Variants in BTBD9 observed in about 807,000 individuals in gnomAD.
The protein encoded by BTBD9 is BTB/POZ domain-containing protein 9.
In BTBD9, 49 loss-of-function variants were observed where a neutral mutation model predicts 64.3. That is an observed-to-expected ratio of 0.76 (90% confidence interval 0.61 to 0.97). The LOEUF (loss-of-function observed/expected upper bound fraction) is 0.97. Among genes scored for constraint, BTBD9 ranks in the 50% least tolerant of loss-of-function variants. The pLI is 0.00. For missense variants in BTBD9, 598 were observed against 762.1 expected, an observed-to-expected ratio of 0.78 and a Z score of 2.53; for synonymous variants, 260 against 274.7, an observed-to-expected ratio of 0.95 and a Z score of 0.53.
intron 7 of BTBD9, among the ~76,000 whole-genome samples, chr6:38,331,167 T>G (rs1246219430): frequency 2.6e-5 from 4 of 152,186 alleles, no homozygotes; most frequent in African/African-American, 4.8e-5. Context: ...ATATCCATAA[T>G]CCACAAATTA....
chr6:38,349,811 A>T (rs755261696), intron 6 of BTBD9, among the ~76,000 whole-genome samples: 2 of 152,064 alleles, frequency 1.3e-5, no homozygotes, highest in African/African-American at 2.4e-5. Flanking sequence ...TTGTCCTTCC[A>T]CTTAGGACAC....
rs75860946 is a variant in BTBD9 at position 38,570,659 on chromosome 6, G to A, written c.1154+6941C>T. On this transcript the variant is annotated intron_variant, in intron 6 of 10. Coordinates refer to ENST00000481247, the MANE Select transcript of BTBD9 (RefSeq NM_001099272.2). ...TACTCCTCTCTTTCAAAATTCCAAA[G>A]GAAGGTTAAAAAATATATATATTTG... Among the ~76,000 whole-genome samples, 1,292 of 152,078 alleles carry A rather than the reference G, an allele frequency of 8.5e-3. 8 individuals carry two copies. The highest frequency in any genetic ancestry group is 0.028 in the African/African-American group (1,166 of 41,470).
At chr6:38,373,790 A>T (rs536440580) in intron 6 of BTBD9, among the ~76,000 whole-genome samples, 4 of 152,244 alleles carry the variant, frequency 2.6e-5, no homozygotes. Flanking sequence ...AGCCTCCCAA[A>T]GTGCCAAGAT....
intron 6 of BTBD9, among the ~76,000 whole-genome samples, chr6:38,565,135 T>G (rs1775434970): frequency 6.6e-6 from 1 of 152,192 alleles, no homozygotes; most frequent in Non-Finnish European, 1.5e-5. Flanking sequence ...TGGTTTTTCT[T>G]CTGAACTGTC....
At chr6:38,230,206 C>T (rs1411593384) in intron 9 of BTBD9, among the ~76,000 whole-genome samples, 1 of 152,082 alleles carries the variant, frequency 6.6e-6, no homozygotes, top group Non-Finnish European at 1.5e-5. Flanking sequence ...AAAAAGCAGA[C>T]ATAAGGAGCT....
At chr6:38,190,247 C>A (rs910254103) in intron 10 of BTBD9, among the ~76,000 whole-genome samples, 1 of 151,830 alleles carries the variant, frequency 6.6e-6, no homozygotes, top group African/African-American at 2.4e-5. Flanking sequence ...AGGTGGATCA[C>A]CTGAGGTCAG....
At chr6:38,329,323 C>CTT (rs201597571) in intron 7 of BTBD9, among the ~76,000 whole-genome samples, 18 of 132,710 alleles carry the variant, frequency 1.4e-4, no homozygotes, top group African/African-American at 2.5e-4. Context: ...CCTTTTTTTC[C>CTT]TTTTTTTTTT....
intron 6 of BTBD9, among the ~76,000 whole-genome samples, chr6:38,396,897 CTTTTTTT>C (rs146597621): frequency 5.6e-5 from 6 of 107,400 alleles, no homozygotes; most frequent in Admixed American, 3.2e-4. Context: ...TTTTCTTTTT[CTTTTTTT>C]TTTTTTTTTT....
At chr6:38,576,730 A>G (rs1247624827) in intron 6 of BTBD9, among the ~76,000 whole-genome samples, 5 of 152,152 alleles carry the variant, frequency 3.3e-5, no homozygotes, top group African/African-American at 7.2e-5. Flanking sequence ...CAAACAAACT[A>G]ATCACTTTCT....
At chr6:38,346,635 G>A (rs2127590675) in intron 6 of BTBD9, among the ~76,000 whole-genome samples, 1 of 152,220 alleles carries the variant, frequency 6.6e-6, no homozygotes, top group African/African-American at 2.4e-5. Flanking sequence ...GGGTGGGTAG[G>A]TTCATTCAAC....
intron 6 of BTBD9, among the ~76,000 whole-genome samples, chr6:38,494,224 T>C (rs1370951773): frequency 6.6e-6 from 1 of 152,242 alleles, no homozygotes; most frequent in Non-Finnish European, 1.5e-5. Context: ...GCTGGTAACA[T>C]TAGCTCCTTT....
At chr6:38,477,138 C>T (rs1002100909) in intron 6 of BTBD9, among the ~76,000 whole-genome samples, 2 of 152,132 alleles carry the variant, frequency 1.3e-5, no homozygotes, top group Non-Finnish European at 2.9e-5. Flanking sequence ...GGCATGAATT[C>T]CACTGAGGGA....
chr6:38,180,524 G>T (rs1761505868), intron 10 of BTBD9, among the ~76,000 whole-genome samples: 1 of 151,190 alleles, frequency 6.6e-6, no homozygotes, highest in African/African-American at 2.4e-5. Flanking sequence ...GGCACCTTTG[G>T]GCTTCCCTCT....
In BTBD9 at chr6:38,171,877, AAAAAAT is replaced by A. The variant is rs1561821937; in HGVS notation, c.*3102_*3107del. 6 of 100,636 alleles carry A rather than the reference AAAAAAT, an allele frequency of 6.0e-5. No homozygotes were observed. Among genetic ancestry groups the A allele is most frequent in the South Asian group, 3.3e-4 (1 of 3,006 alleles). The allele number at this position is 100,636 out of a possible 1,614,324, so 6.2% of individuals were successfully genotyped here. ...AAAAAAAAAAAAAAAAAAAAAAAAA[AAAAAAT>A]AATAATAATAATAATAATAATAATA... On this transcript the variant is annotated 3_prime_UTR_variant, in exon 11 of 11. Transcript: ENST00000481247.
chr6:38,270,590 T>C (rs552722819), intron 8 of BTBD9, among the ~76,000 whole-genome samples: 1 of 152,196 alleles, frequency 6.6e-6, no homozygotes, highest in South Asian at 2.1e-4. Context: ...CTGGGAAATA[T>C]CCCTGAGGTA....
At chr6:38,209,874 G>A (rs1052099658) in intron 9 of BTBD9, among the ~76,000 whole-genome samples, 5 of 152,194 alleles carry the variant, frequency 3.3e-5, no homozygotes, top group Admixed American at 3.3e-4. Flanking sequence ...AAATGCACTT[G>A]CATCTACTGC....
intron 10 of BTBD9, among the ~76,000 whole-genome samples, chr6:38,186,481 G>A (rs1761825008): frequency 6.6e-6 from 1 of 152,156 alleles, no homozygotes; most frequent in African/African-American, 2.4e-5. Flanking sequence ...GTATTGGAAT[G>A]CCACGGCCTC....
intron 6 of BTBD9, among the ~76,000 whole-genome samples, chr6:38,554,825 T>C (rs1428247579): frequency 6.6e-6 from 1 of 152,054 alleles, no homozygotes; most frequent in Non-Finnish European, 1.5e-5. Context: ...GCCAGCAGGG[T>C]ATATGAAACT....
At position 38,543,740 on chromosome 6, in the gene BTBD9, G is replaced by A. The variant is rs948279706; in HGVS notation, c.1154+33860C>T. ...TGGGAGGCCGAGACGGGCGGATCAC[G>A]AGGTCAGGAGATCGAGACCATCTTG... On this transcript the variant is annotated intron_variant, in intron 6 of 10. Transcript: ENST00000481247. 5.3e-5 allele frequency among the ~76,000 whole-genome samples: 8 copies of A among 152,010 alleles called. No homozygotes were observed. The East Asian group carries it at 5.8e-4, about 11-fold the overall frequency.
Sources: allele counts gnomAD v4.1 joint callset (sites outside exome capture counted in the v4.1 genomes callset), GRCh38; gene constraint gnomAD v4.1.1; transcripts MANE v1.5; gene names NCBI Gene and HGNC (gene_info 2026-07-23, HGNC 2026-07-21).